PIP5K1B: variants seen among roughly 807,000 people sequenced by gnomAD.
PIP5K1B encodes phosphatidylinositol 4-phosphate 5-kinase type-1 beta.
Under a neutral mutation model 67.0 loss-of-function variants are expected in PIP5K1B, and 42 were observed. The observed-to-expected ratio is 0.63, with a 90% CI of 0.49 to 0.81. The LOEUF is 0.81. Among genes scored for constraint, PIP5K1B ranks in the 30% least tolerant of loss-of-function variants. The pLI is 0.00. For synonymous variants in PIP5K1B, 214 were observed against 231.4 expected (o/e 0.92, Z 0.68); for missense variants, 459 against 646.3 (o/e 0.71, Z 3.14).
chr9:68,840,342 A>C (rs138625089), intron 4 of PIP5K1B, among the ~76,000 whole-genome samples: 1 of 151,202 alleles, frequency 6.6e-6, no homozygotes, highest in Non-Finnish European at 1.5e-5. Context: ...GCGCCATTGC[A>C]CTCCAGCCTG....
At chr9:68,958,874 A>C (rs1419151584) in intron 14 of PIP5K1B, among the ~76,000 whole-genome samples, 1 of 152,190 alleles carries the variant, frequency 6.6e-6, no homozygotes, top group Non-Finnish European at 1.5e-5. Flanking sequence ...AAAGTATTTT[A>C]TGGTATTGCA....
At chr9:68,770,849 C>T (rs1258341897) in intron 2 of PIP5K1B, among the ~76,000 whole-genome samples, 1 of 152,146 alleles carries the variant, frequency 6.6e-6, no homozygotes, top group Non-Finnish European at 1.5e-5. Context: ...TGGGGTAGAA[C>T]TGAGCTCATG....
chr9:68,742,526 C>A lies in PIP5K1B; in HGVS notation c.-217C>A, dbSNP rs1829063088. 6.6e-6 allele frequency: 1 copy of A among 152,166 alleles called. No homozygotes were observed. Among genetic ancestry groups the A allele is most frequent in the African/African-American group, 2.4e-5 (1 of 41,436 alleles). The allele number at this position is 152,166 out of a possible 1,614,324, so 9.4% of individuals were successfully genotyped here. A position where few individuals can be genotyped will look rare whatever the true frequency, so the allele number is the denominator to read the frequency against. ...ATGAGGAAGCCAAGGCCCAGCAGAGCTGAGATGTGACTGCAGAGCCGTCCA... is the reference window on the plus strand; with the variant it reads ...ATGAGGAAGCCAAGGCCCAGCAGAGATGAGATGTGACTGCAGAGCCGTCCA... On this transcript the variant is annotated 5_prime_UTR_variant, in exon 2 of 16. The change creates a new upstream start codon in the 5' untranslated region. Coordinates refer to ENST00000265382, the MANE Select transcript of PIP5K1B (RefSeq NM_003558.4).
intron 1 of PIP5K1B, among the ~76,000 whole-genome samples, chr9:68,715,204 A>G (rs1377074317): frequency 1.3e-5 from 2 of 152,124 alleles, no homozygotes; most frequent in Non-Finnish European, 2.9e-5. Context: ...GTGCAGGAAA[A>G]ACTTCCTGAC....
At chr9:68,888,695 A>T (rs138603777) in intron 6 of PIP5K1B, among the ~76,000 whole-genome samples, 33 of 151,246 alleles carry the variant, frequency 2.2e-4, no homozygotes, top group Non-Finnish European at 4.2e-4. Context: ...CAACTGTTTG[A>T]ATTATCTCAT....
chr9:68,723,694 G>GTTTTTT (rs1224332057), intron 1 of PIP5K1B, among the ~76,000 whole-genome samples: 3 of 36,708 alleles, frequency 8.2e-5, no homozygotes, highest in Admixed American at 3.1e-4. Flanking sequence ...TGAAGTATTT[G>GTTTTTT]GTTTTTTTTT....
At chr9:68,877,735 A>C (rs1823971543) in intron 6 of PIP5K1B, among the ~76,000 whole-genome samples, 1 of 152,176 alleles carries the variant, frequency 6.6e-6, no homozygotes, top group African/African-American at 2.4e-5. Context: ...GTCTCCTCTG[A>C]ATCTTCTTGT....
At chr9:68,899,072 C>T (rs1825233619) in intron 8 of PIP5K1B, among the ~76,000 whole-genome samples, 1 of 152,162 alleles carries the variant, frequency 6.6e-6, no homozygotes, top group East Asian at 1.9e-4. Flanking sequence ...TGTCTCCAGC[C>T]TTCTCTCTCC....
Position 68,894,484 on chromosome 9 carries a change from G to T in PIP5K1B, c.617G>T (p.Gly206Val). The change falls in exon 8 of 16, where the codon GGC (glycine) becomes GTC (valine). Residue 206 changes from glycine to valine, a missense_variant. By Grantham distance (109) the Gly-to-Val change is moderately radical. Transcript: ENST00000265382. Reference protein sequence around the residue: ...MRMHFTYDLKGSTYKRRASRK... With the variant: ...MRMHFTYDLKVSTYKRRASRK... Reference sequence around the variant, plus strand: ...ATGCACTTTACATATGACTTGAAAGGCTCAACGTATAAGCGAAGAGCATCC... The same window carrying T: ...ATGCACTTTACATATGACTTGAAAGTCTCAACGTATAAGCGAAGAGCATCC... The T allele has an allele frequency of 1.2e-6, 2 of 1,614,064 alleles. No individual in the cohort carries two copies. The highest frequency in any genetic ancestry group is 1.7e-6 in the Non-Finnish European group (2 of 1,180,010).
At chr9:68,857,308 A>G (rs1011725281) in intron 4 of PIP5K1B, among the ~76,000 whole-genome samples, 7 of 152,212 alleles carry the variant, frequency 4.6e-5, no homozygotes, top group African/African-American at 1.7e-4. Flanking sequence ...AAATGATTTG[A>G]AGAACCCAGA....
intron 6 of PIP5K1B, among the ~76,000 whole-genome samples, chr9:68,885,997 C>T (rs939749414): frequency 6.6e-5 from 10 of 152,046 alleles, no homozygotes; most frequent in Admixed American, 2.0e-4. Flanking sequence ...CTAGCTAATG[C>T]GGTGAAACCC....
intron 14 of PIP5K1B, among the ~76,000 whole-genome samples, chr9:68,953,487 T>C (rs1179245245): frequency 6.6e-6 from 1 of 152,154 alleles, no homozygotes; most frequent in Non-Finnish European, 1.5e-5. Flanking sequence ...AATCTTCATT[T>C]GTCTGCTCAA....
chr9:68,867,045 G>T (rs1047633812), intron 5 of PIP5K1B, among the ~76,000 whole-genome samples: 1 of 152,122 alleles, frequency 6.6e-6, no homozygotes, highest in African/African-American at 2.4e-5. Context: ...TCAGGTTCGT[G>T]TAACAATCCA....
chr9:68,988,018 G>A (rs12238635), intron 14 of PIP5K1B, among the ~76,000 whole-genome samples: 158 of 152,170 alleles, frequency 1.0e-3, no homozygotes, highest in Middle Eastern at 3.4e-3. Context: ...TCCTGATTTC[G>A]ATAATTGTAC....
intron 4 of PIP5K1B, among the ~76,000 whole-genome samples, chr9:68,828,785 T>G (rs1308895982): frequency 6.6e-6 from 1 of 152,114 alleles, no homozygotes; most frequent in East Asian, 1.9e-4. Flanking sequence ...GTGTAAACCT[T>G]TCTATGGCCG....
chr9:68,849,439 G>A (rs957492444), intron 4 of PIP5K1B, among the ~76,000 whole-genome samples: 7 of 152,074 alleles, frequency 4.6e-5, no homozygotes, highest in South Asian at 2.1e-4. Flanking sequence ...GAAGTGCAGC[G>A]GTACGATCTC....
intron 8 of PIP5K1B, among the ~76,000 whole-genome samples, chr9:68,908,187 T>C (rs1825704646): frequency 6.6e-6 from 1 of 152,208 alleles, no homozygotes; most frequent in Non-Finnish European, 1.5e-5. Context: ...CAAGAAGATA[T>C]ATCATATAAT....
At chr9:68,778,403 T>C (rs949119480) in intron 2 of PIP5K1B, among the ~76,000 whole-genome samples, 7 of 152,336 alleles carry the variant, frequency 4.6e-5, no homozygotes, top group Admixed American at 6.5e-5. Context: ...ACTCTAAATG[T>C]GCTATTTTCC....
At chr9:68,863,769 G>C in intron 4 of PIP5K1B, 68 bp from the exon 5 acceptor site, 1 of 1,372,486 alleles carries the variant, frequency 7.3e-7, no homozygotes, top group Non-Finnish European at 1.0e-6. Flanking sequence ...CTCATGTTTT[G>C]TTGCCTGTAC....
Sources: allele counts gnomAD v4.1 joint callset (sites outside exome capture counted in the v4.1 genomes callset), GRCh38; gene constraint gnomAD v4.1.1; transcripts MANE v1.5; gene names NCBI Gene and HGNC (gene_info 2026-07-23, HGNC 2026-07-21).